The following KIRREL3 variants were observed in gnomAD, a reference collection of about 807,000 sequenced individuals.
The protein encoded by KIRREL3 is kirre like nephrin family adhesion molecule 3, also known as kin of IRRE-like protein 3.
A neutral mutation model predicts 89.7 loss-of-function variants in KIRREL3; 36 were observed. The observed-to-expected ratio is 0.40, with a 90% confidence interval of 0.31 to 0.53. KIRREL3 has a LOEUF of 0.53. Ranked by LOEUF, KIRREL3 falls within the 20% of genes least tolerant of loss-of-function variation. KIRREL3 has a pLI of 0.49. For synonymous variants in KIRREL3, 445 were observed against 441.4 expected, an observed-to-expected ratio of 1.01 and a Z score of -0.10; for missense variants, 864 against 1,056.6, an observed-to-expected ratio of 0.82 and a Z score of 2.53.
At chr11:126,706,069 C>T (rs974398846) in intron 1 of KIRREL3, among the ~76,000 whole-genome samples, 2 of 152,326 alleles carry the variant, frequency 1.3e-5, no homozygotes, top group Admixed American at 6.5e-5. Flanking sequence ...CCACTAGGGC[C>T]TTCTAGCCCA....
chr11:126,836,735 C>T (rs1256138683), intron 1 of KIRREL3, among the ~76,000 whole-genome samples: 3 of 152,080 alleles, frequency 2.0e-5, no homozygotes, highest in South Asian at 2.1e-4. Flanking sequence ...ACAAGGTGGA[C>T]GTTATCCAGG....
chr11:126,500,166 A>G (rs1957810002), intron 4 of KIRREL3, among the ~76,000 whole-genome samples: 1 of 152,206 alleles, frequency 6.6e-6, no homozygotes, highest in Admixed American at 6.5e-5. Context: ...GGGTTGTCGG[A>G]GTACGATTAG....
Position 126,983,472 on chromosome 11 carries a change from T to TGA in KIRREL3, c.55+16981_55+16982dup, listed in dbSNP as rs975644845. ...TGCAGATGTAATTAAGTTAAGGTCT[T>TGA]GAGAGAGAGAGATTTTCCTAAATTA... On this transcript the variant is annotated intron_variant, in intron 1 of 16. Transcript: ENST00000525144. This position sits in a 1 kb window ranked among gnomAD's most constrained non-coding sequence, Gnocchi z 4.9. Among the ~76,000 whole-genome samples, 1 of 152,130 alleles carries TGA rather than the reference T, an allele frequency of 6.6e-6. No individual in the cohort carries two copies. The highest frequency in any genetic ancestry group is 1.5e-5 in the Non-Finnish European group (1 of 68,014).
intron 8 of KIRREL3, 76 bp from the exon 9 acceptor site, chr11:126,446,962 T>C (rs1257319853): frequency 2.3e-5 from 35 of 1,535,756 alleles, no homozygotes; most frequent in South Asian, 2.2e-4. Context: ...TGCCTCCTTT[T>C]CCCCCTAGAC....
chr11:126,454,400 G>T lies in KIRREL3; in HGVS notation c.848+1949C>A, dbSNP rs983316025. Among the ~76,000 whole-genome samples, 1 of 152,140 alleles carries T rather than the reference G, an allele frequency of 6.6e-6. No individual in the cohort carries two copies. Among genetic ancestry groups the T allele is most frequent in the Non-Finnish European group, 1.5e-5 (1 of 68,022 alleles). On this transcript the variant is annotated intron_variant, in intron 7 of 16. Coordinates refer to ENST00000525144, the MANE Select transcript of KIRREL3 (RefSeq NM_032531.4). The surrounding 1 kb of genome is among the most constrained non-coding windows in gnomAD (Gnocchi z 5.8). Reference sequence around the variant, plus strand: ...AGCCTGGCAGTGAGGAGAAACGAAAGTCGAAAGTTGTGTGTCCTGGTCTCT... The same window carrying T: ...AGCCTGGCAGTGAGGAGAAACGAAATTCGAAAGTTGTGTGTCCTGGTCTCT...
rs149887977 is a variant in KIRREL3 at position 126,551,151 on chromosome 11, C to A, written c.133+11684G>T. Reference sequence around the variant, plus strand: ...GGGGGAAGGGGCAGGAGCTTCCACGCCCTCCCTGAGTGCGCCACCCTCCAG... The same window carrying A: ...GGGGGAAGGGGCAGGAGCTTCCACGACCTCCCTGAGTGCGCCACCCTCCAG... On this transcript the variant is annotated intron_variant, in intron 2 of 16. Coordinates refer to ENST00000525144, the MANE Select transcript of KIRREL3 (RefSeq NM_032531.4). The surrounding 1 kb of genome is among the most constrained non-coding windows in gnomAD (Gnocchi z 4.9). Among the ~76,000 whole-genome samples, 1 of 152,182 alleles carries A rather than the reference C, an allele frequency of 6.6e-6. No individual in the cohort carries two copies. Among genetic ancestry groups the A allele is most frequent in the Non-Finnish European group, 1.5e-5 (1 of 68,028 alleles).
intron 4 of KIRREL3, among the ~76,000 whole-genome samples, chr11:126,478,856 C>G (rs1421013253): frequency 1.3e-5 from 2 of 152,018 alleles, no homozygotes; most frequent in Non-Finnish European, 2.9e-5. Context: ...GGGAGGAGGG[C>G]AAAGCAGGAG....
In KIRREL3 at chr11:126,463,554, T is replaced by G. The variant is rs1229359683; in HGVS notation, c.592-247A>C. ...TAGACAGTTTTCCACCATGTGAAAA[T>G]TAGCCTGGATTCACATGCTAAAAGC... is the stretch of plus-strand genomic sequence containing the variant. On this transcript the variant is annotated intron_variant, in intron 5 of 16. Coordinates refer to ENST00000525144, the MANE Select transcript of KIRREL3 (RefSeq NM_032531.4). The surrounding 1 kb of genome is among the most constrained non-coding windows in gnomAD (Gnocchi z 5.9). 6.6e-6 allele frequency among the ~76,000 whole-genome samples: 1 copy of G among 152,152 alleles called. No homozygotes were observed. Among genetic ancestry groups the G allele is most frequent in the Non-Finnish European group, 1.5e-5 (1 of 68,028 alleles).
intron 7 of KIRREL3, among the ~76,000 whole-genome samples, chr11:126,451,327 T>C (rs988662266): frequency 2.2e-5 from 3 of 136,110 alleles, no homozygotes; most frequent in African/African-American, 2.8e-5. Flanking sequence ...GTTGTGTGCA[T>C]TAGTGAGTGT....
At chr11:126,452,622 C>T (rs757483170) in intron 7 of KIRREL3, among the ~76,000 whole-genome samples, 16 of 152,226 alleles carry the variant, frequency 1.1e-4, no homozygotes, top group Non-Finnish European at 1.8e-4. Context: ...AGGAGCATCA[C>T]GGAGGGTGGA....
chr11:126,961,331 C>T (rs1169537119), intron 1 of KIRREL3, among the ~76,000 whole-genome samples: 2 of 152,164 alleles, frequency 1.3e-5, no homozygotes, highest in Non-Finnish European at 2.9e-5. Flanking sequence ...TGGAAAAGCT[C>T]TTGAAGTAAA....
rs982178464 is a variant in KIRREL3 at position 126,655,041 on chromosome 11, G to A, written c.56-92129C>T. On this transcript the variant is annotated intron_variant, in intron 1 of 16. Coordinates refer to ENST00000525144, the MANE Select transcript of KIRREL3 (RefSeq NM_032531.4). This position sits in a 1 kb window ranked among gnomAD's most constrained non-coding sequence, Gnocchi z 5.0. ...AAGATGTTCCTAGCTGGCACAGGCT[G>A]TGCTGAACACAGGTCTCACCCCACT... 3.3e-5 allele frequency among the ~76,000 whole-genome samples: 5 copies of A among 152,204 alleles called. No homozygotes were observed. The highest frequency in any genetic ancestry group is 1.5e-5 in the Non-Finnish European group (1 of 68,044).
Position 126,925,225 on chromosome 11 carries a change from C to T in KIRREL3, c.55+75230G>A, listed in dbSNP as rs1028950218. On this transcript the variant is annotated intron_variant, in intron 1 of 16. Transcript: ENST00000525144. ...AACCCCCTGGTAACAGAAAGGTTCC[C>T]TTCCCTTCCCCAGGCTGTTGGTGCC... Among the ~76,000 whole-genome samples the T allele has an allele frequency of 1.9e-4, 29 of 152,250 alleles. No homozygotes were observed. In the East Asian group the frequency reaches 5.0e-3, roughly 26 times the overall value.
At chr11:126,756,808 G>A (rs1268108812) in intron 1 of KIRREL3, among the ~76,000 whole-genome samples, 6 of 152,138 alleles carry the variant, frequency 3.9e-5, no homozygotes, top group Admixed American at 1.3e-4. Context: ...TCTGAATTAC[G>A]TTTGCAGTAT....
intron 4 of KIRREL3, among the ~76,000 whole-genome samples, chr11:126,500,583 T>C (rs747413030): frequency 1.6e-4 from 24 of 151,888 alleles, no homozygotes; most frequent in Non-Finnish European, 3.4e-4. Flanking sequence ...CTACAAAAAG[T>C]ACAAAAATTA....
At position 126,449,035 on chromosome 11, in the gene KIRREL3, T is replaced by A. The variant is rs1413677974; in HGVS notation, c.971A>T (p.Asn324Ile). ...CEVTNALGSTNLSRTVDVYFG... is the reference protein window; with the variant it reads ...CEVTNALGSTILSRTVDVYFG... ...GTAGACGTCAACCGTGCGGCTGAGG[T>A]TGGTGCTGCCCAGGGCGTTGGTCAC... is the stretch of plus-strand genomic sequence containing the variant. The change falls in exon 8 of 17, where the codon AAC (asparagine) becomes ATC (isoleucine). Residue 324 changes from asparagine (N) to isoleucine (I), a missense_variant. By Grantham distance (149) the Asn-to-Ile change is moderately radical (BLOSUM62 -3). Coordinates refer to ENST00000525144, the MANE Select transcript of KIRREL3 (RefSeq NM_032531.4). The A allele has an allele frequency of 6.2e-7, 1 of 1,613,016 alleles. No individual in the cohort carries two copies. The highest frequency in any genetic ancestry group is 1.1e-5 in the South Asian group (1 of 91,030).
rs779408179 is a variant in KIRREL3, at chr11:126,608,793, T to G, written c.56-45881A>C. 1.3e-5 allele frequency among the ~76,000 whole-genome samples: 2 copies of G among 152,146 alleles called. No individual in the cohort carries two copies. Among genetic ancestry groups the G allele is most frequent in the Non-Finnish European group, 2.9e-5 (2 of 68,008 alleles). ...GCTAACTGGCACAGGTGACTTGCATTTCCTGGGGCCTAACTGCTGGGAGTG... is the reference window on the plus strand; with the variant it reads ...GCTAACTGGCACAGGTGACTTGCATGTCCTGGGGCCTAACTGCTGGGAGTG... On this transcript the variant is annotated intron_variant, in intron 1 of 16. Transcript: ENST00000525144. This position sits in a 1 kb window ranked among gnomAD's most constrained non-coding sequence, Gnocchi z 4.9.
In KIRREL3 at chr11:126,627,457, G is replaced by A. The variant is rs1400529372; in HGVS notation, c.56-64545C>T. On this transcript the variant is annotated intron_variant, in intron 1 of 16. Coordinates refer to ENST00000525144, the MANE Select transcript of KIRREL3 (RefSeq NM_032531.4). This position sits in a 1 kb window ranked among gnomAD's most constrained non-coding sequence, Gnocchi z 5.0. ...CAACCAGTGGCGTCATCTTCACCAAGTCTAGGGTGGTCACCTGGTGATGGG... is the reference window on the plus strand; with the variant it reads ...CAACCAGTGGCGTCATCTTCACCAAATCTAGGGTGGTCACCTGGTGATGGG... Among the ~76,000 whole-genome samples the A allele has an allele frequency of 6.6e-6, 1 of 152,202 alleles. No homozygotes were observed. The highest frequency in any genetic ancestry group is 1.9e-4 in the East Asian group (1 of 5,188).
intron 4 of KIRREL3, among the ~76,000 whole-genome samples, chr11:126,512,341 G>A (rs930905956): frequency 2.6e-5 from 4 of 152,254 alleles, no homozygotes; most frequent in Admixed American, 6.5e-5. Flanking sequence ...TCCTTGAGGC[G>A]AAGCTGTCCA....
Sources: allele counts gnomAD v4.1 joint callset (sites outside exome capture counted in the v4.1 genomes callset), GRCh38; gene constraint gnomAD v4.1.1; non-coding constraint Gnocchi (gnomAD v3.1); transcripts MANE v1.5; gene names NCBI Gene and HGNC (gene_info 2026-07-23, HGNC 2026-07-21).